Variants in FGD6 observed in about 807,000 individuals in gnomAD.
The protein encoded by FGD6 is FYVE, RhoGEF and PH domain-containing protein 6.
FGD6 carries 90 observed loss-of-function variants against 149.4 expected under a neutral mutation model. That is an observed-to-expected ratio of 0.60 (90% CI 0.51 to 0.72). The LOEUF is 0.72. FGD6 is among the 30% of genes least tolerant of loss of function. FGD6 has a pLI of 0.00. For missense variants in FGD6, 1,437 were observed against 1,684.8 expected, an observed-to-expected ratio of 0.85 and a Z score of 2.57; for synonymous variants, 527 against 584.0, an observed-to-expected ratio of 0.90 and a Z score of 1.41.
intron 8 of FGD6, among the ~76,000 whole-genome samples, chr12:95,124,858 G>A (rs1204991983): frequency 1.3e-5 from 2 of 152,086 alleles, no homozygotes; most frequent in Non-Finnish European, 2.9e-5. Context: ...TATTACAGTT[G>A]TGGCAGACAT....
intron 14 of FGD6, among the ~76,000 whole-genome samples, chr12:95,102,072 G>A (rs935169399): frequency 2.5e-4 from 16 of 65,056 alleles, no homozygotes; most frequent in Non-Finnish European, 4.0e-4. Flanking sequence ...TTGGGAGGCT[G>A]AGTGGGGGTG....
chr12:95,127,350 C>T (rs1373377632), intron 8 of FGD6, among the ~76,000 whole-genome samples: 1 of 152,056 alleles, frequency 6.6e-6, no homozygotes, highest in Non-Finnish European at 1.5e-5. Context: ...TCCAGACCAG[C>T]CTGGCCAATA....
At chr12:95,117,018 G>A (rs1261672869) in intron 8 of FGD6, 5 of 424,512 alleles carry the variant, frequency 1.2e-5, no homozygotes, top group South Asian at 5.1e-5. Context: ...AGACAGACAC[G>A]CCTATATTGG....
At chr12:95,161,890 C>A (rs183340444) in intron 3 of FGD6, among the ~76,000 whole-genome samples, 2 of 152,216 alleles carry the variant, frequency 1.3e-5, no homozygotes, top group East Asian at 3.9e-4. Context: ...GAATCACAGG[C>A]AGATCTTAAA....
rs569125192 is a variant in FGD6 at position 95,182,344 on chromosome 12, A to G, written c.2442-9600T>C. On this transcript the variant is annotated intron_variant, in intron 2 of 20. Coordinates refer to ENST00000343958, the MANE Select transcript of FGD6 (RefSeq NM_018351.4). The stretch of plus-strand genomic sequence containing the variant: ...CAGGCTCCAGAGTAGCTGGGACTAC[A>G]GGTGCCCCACCACGCCCGGCTAATT... Among the ~76,000 whole-genome samples, 4 of 151,652 alleles carry G rather than the reference A, an allele frequency of 2.6e-5. No individual in the cohort carries two copies. In the South Asian group the frequency reaches 8.3e-4, roughly 32 times the overall value.
chr12:95,142,737 T>A (rs368431986), intron 5 of FGD6, among the ~76,000 whole-genome samples: 5 of 152,230 alleles, frequency 3.3e-5, no homozygotes, highest in Non-Finnish European at 7.4e-5. Context: ...TGCAATGCAG[T>A]TGGCACACAG....
intron 8 of FGD6, among the ~76,000 whole-genome samples, chr12:95,122,333 G>C (rs7308572): frequency 0.63 from 95,226 of 151,340 alleles, 30,177 homozygotes; most frequent in East Asian, 0.68. Context: ...AATTATTGTT[G>C]TAGCCCCTGC....
chr12:95,193,829 C>T (rs1881662648), intron 2 of FGD6, among the ~76,000 whole-genome samples: 2 of 151,338 alleles, frequency 1.3e-5, no homozygotes, highest in Non-Finnish European at 1.5e-5. Context: ...ATGCCTGGCC[C>T]ATGCTGAATT....
At chr12:95,106,112 A>AT (rs139880961) in intron 13 of FGD6, among the ~76,000 whole-genome samples, 95,074 of 151,254 alleles carry the variant, frequency 0.63, 30,101 homozygotes, top group East Asian at 0.68. Context: ...TTTTCTCTAA[A>AT]ATATATATTT....
At chr12:95,180,400 G>C (rs1193099007) in intron 2 of FGD6, among the ~76,000 whole-genome samples, 1 of 147,856 alleles carries the variant, frequency 6.8e-6, no homozygotes, top group African/African-American at 2.5e-5. Flanking sequence ...TTTTGAGACA[G>C]GGGCTTGCTC....
At chr12:95,188,976 A>G (rs1160448562) in intron 2 of FGD6, among the ~76,000 whole-genome samples, 1 of 152,184 alleles carries the variant, frequency 6.6e-6, no homozygotes, top group Non-Finnish European at 1.5e-5. Flanking sequence ...TACTTCATGT[A>G]GATAATCTCA....
intron 1 of FGD6, among the ~76,000 whole-genome samples, chr12:95,211,936 T>C (rs1393237530): frequency 3.3e-5 from 5 of 152,206 alleles, no homozygotes; most frequent in African/African-American, 4.8e-5. Context: ...AAAGTTGAAT[T>C]TGCCTAAGTT....
At position 95,217,416 on chromosome 12, in the gene FGD6, C is replaced by G. The variant is rs1363909433; in HGVS notation, c.-176G>C. 1 of 1,053,798 alleles carries G rather than the reference C, an allele frequency of 9.5e-7. No homozygotes were observed. Among genetic ancestry groups the G allele is most frequent in the Admixed American group, 4.1e-5 (1 of 24,540 alleles). The allele number at this position is 1,053,798 out of a possible 1,614,324, so 65.3% of individuals were successfully genotyped here. A position where few individuals can be genotyped will look rare whatever the true frequency, so the allele number is the denominator to read the frequency against. On this transcript the variant is annotated 5_prime_UTR_variant, in exon 1 of 21. Transcript: ENST00000343958. ...AAAGGACGCGGCCGACTCTAGCGAC[C>G]CTGCGGCGCTCCCGGGCGCGAGCCG... is the stretch of plus-strand genomic sequence containing the variant.
At chr12:95,205,245 G>A (rs1184159721) in intron 2 of FGD6, among the ~76,000 whole-genome samples, 1 of 150,030 alleles carries the variant, frequency 6.7e-6, no homozygotes, top group Non-Finnish European at 1.5e-5. Context: ...TCCAGCCTGG[G>A]CAACACAGCA....
intron 18 of FGD6, among the ~76,000 whole-genome samples, chr12:95,086,867 TAA>T (rs1877891696): frequency 8.1e-6 from 1 of 122,874 alleles, no homozygotes; most frequent in African/African-American, 3.0e-5. Context: ...TTTTTTTTTT[TAA>T]GACAGTCTCA....
intron 9 of FGD6, among the ~76,000 whole-genome samples, chr12:95,108,905 A>T (rs1878721181): frequency 6.6e-6 from 1 of 152,224 alleles, no homozygotes. Flanking sequence ...TTACAAAGAT[A>T]AGGATGGGAT....
chr12:95,145,672 CTA>C (rs1028231044), intron 5 of FGD6, among the ~76,000 whole-genome samples: 1 of 151,986 alleles, frequency 6.6e-6, no homozygotes, highest in Non-Finnish European at 1.5e-5. Context: ...GCAGTGGTCC[CTA>C]TGTCTGTTGT....
In FGD6 at chr12:95,145,408, C is replaced by T. The variant is rs118039771; in HGVS notation, c.2686-3869G>A. ...AAAATCCAGTTTTAGCAAGAACCTC[C>T]CACCCTTTATATTGTTCGGGTTCTT... On this transcript the variant is annotated intron_variant, in intron 5 of 20. Coordinates refer to ENST00000343958, the MANE Select transcript of FGD6 (RefSeq NM_018351.4). Among the ~76,000 whole-genome samples the T allele has an allele frequency of 1.6e-4, 25 of 152,268 alleles. No homozygotes were observed. In the East Asian group the frequency reaches 4.6e-3, roughly 28 times the overall value.
intron 3 of FGD6, among the ~76,000 whole-genome samples, chr12:95,163,042 G>C (rs1412607210): frequency 6.6e-6 from 1 of 152,146 alleles, no homozygotes; most frequent in Non-Finnish European, 1.5e-5. Flanking sequence ...AATATAACCA[G>C]GTTAGTTCTC....
Sources: gnomAD v4.1 joint callset for allele counts (sites outside exome capture counted in the v4.1 genomes callset) on GRCh38, gnomAD v4.1.1 for gene constraint, MANE v1.5 for transcripts, NCBI Gene and HGNC (gene_info 2026-07-23, HGNC 2026-07-21) for gene names.